The following TDRD9 variants were observed in gnomAD, a reference collection of about 807,000 sequenced individuals.
The protein encoded by TDRD9 is tudor domain containing 9.
A neutral mutation model predicts 172.6 loss-of-function variants in TDRD9; 124 were observed. That is an observed-to-expected ratio of 0.72 (90% CI 0.62 to 0.83). The LOEUF (loss-of-function observed/expected upper bound fraction) is 0.83, where lower values mean the gene tolerates loss of function less well. TDRD9 is among the 40% of genes least tolerant of loss of function. The pLI is 0.00. For missense variants in TDRD9, 1,479 were observed against 1,714.1 expected (o/e 0.86, Z 2.42); for synonymous variants, 619 against 617.1 (o/e 1.00, Z -0.05).
intron 6 of TDRD9, among the ~76,000 whole-genome samples, chr14:103,974,760 C>T (rs2033167759): frequency 6.6e-6 from 1 of 152,064 alleles, no homozygotes; most frequent in South Asian, 2.1e-4. Flanking sequence ...CCCACCTCAG[C>T]CTCTTGAGTA....
At chr14:103,979,971 GC>G (rs2033407996) in intron 7 of TDRD9, among the ~76,000 whole-genome samples, 1 of 151,478 alleles carries the variant, frequency 6.6e-6, no homozygotes. Context: ...GAACTCCTTG[GC>G]TCAAGAGATT....
chr14:103,947,408 A>G (rs1325172503), intron 1 of TDRD9, among the ~76,000 whole-genome samples: 1 of 151,786 alleles, frequency 6.6e-6, no homozygotes, highest in Non-Finnish European at 1.5e-5. Context: ...ACTCACTGCA[A>G]GCTCTGTCCC....
intron 1 of TDRD9, chr14:103,941,470 C>A: frequency 6.5e-7 from 1 of 1,535,374 alleles, no homozygotes; most frequent in Non-Finnish European, 8.7e-7. Flanking sequence ...TGTTCAGTCA[C>A]TGGGATAGTT....
At chr14:103,968,883 C>G (rs1426202858) in intron 5 of TDRD9, among the ~76,000 whole-genome samples, 1 of 148,446 alleles carries the variant, frequency 6.7e-6, no homozygotes, top group Non-Finnish European at 1.5e-5. Flanking sequence ...GGCGGATCAC[C>G]AGGTCAGGAG....
At chr14:104,012,294 G>A (rs2152226921) in intron 20 of TDRD9, among the ~76,000 whole-genome samples, 2 of 152,368 alleles carry the variant, frequency 1.3e-5, no homozygotes, top group African/African-American at 4.8e-5. Flanking sequence ...TGGAGGCTTG[G>A]CAATGACCTT....
At chr14:103,991,906 C>T (rs991812675) in intron 9 of TDRD9, among the ~76,000 whole-genome samples, 10 of 152,098 alleles carry the variant, frequency 6.6e-5, no homozygotes, top group Admixed American at 2.6e-4. Flanking sequence ...TACAGACACG[C>T]GCCACCATGC....
At chr14:104,036,077 A>G (rs2035443545) in intron 32 of TDRD9, among the ~76,000 whole-genome samples, 1 of 152,146 alleles carries the variant, frequency 6.6e-6, no homozygotes, top group Non-Finnish European at 1.5e-5. Context: ...TTTTAAATTT[A>G]TAGATTTAAA....
rs191934114 is a variant in TDRD9, at chr14:103,971,114, G to T, written c.846+493G>T. 5.3e-5 allele frequency among the ~76,000 whole-genome samples: 8 copies of T among 151,840 alleles called. No homozygotes were observed. The East Asian group carries it at 9.7e-4, about 18-fold the overall frequency. On this transcript the variant is annotated intron_variant, in intron 6 of 35. Coordinates refer to ENST00000409874, the MANE Select transcript of TDRD9 (RefSeq NM_153046.3). Reference sequence around the variant, plus strand: ...TTCTCCTGCCTCAGCCTCCCAAGTAGCTGGGACTACAGGCACCCACCACCA... The same window carrying T: ...TTCTCCTGCCTCAGCCTCCCAAGTATCTGGGACTACAGGCACCCACCACCA...
In TDRD9 at chr14:104,034,842, C is replaced by T. The variant is rs2035400579; in HGVS notation, c.3620-118C>T. On this transcript the variant is annotated intron_variant, in intron 31 of 35. Coordinates refer to ENST00000409874, the MANE Select transcript of TDRD9 (RefSeq NM_153046.3). Reference sequence around the variant, plus strand: ...TACTATTGGGGTGGGCCTGTGGGGACTGGACAGACTCAGCAGAGGAGGGGA... The same window carrying T: ...TACTATTGGGGTGGGCCTGTGGGGATTGGACAGACTCAGCAGAGGAGGGGA... 1.0e-5 allele frequency: 7 copies of T among 698,736 alleles called. No homozygotes were observed. In the South Asian group the frequency reaches 1.0e-4, roughly 10 times the overall value. The allele number at this position is 698,736 out of a possible 1,614,324, so 43.3% of individuals were successfully genotyped here.
chr14:103,934,993 G>A (rs980755563), intron 1 of TDRD9, among the ~76,000 whole-genome samples: 5 of 152,182 alleles, frequency 3.3e-5, no homozygotes, highest in Non-Finnish European at 7.3e-5. Flanking sequence ...TGAGGTAGGA[G>A]GGCCTCGTCC....
At chr14:103,942,105 G>A (rs2031272967) in intron 1 of TDRD9, 2 of 173,514 alleles carry the variant, frequency 1.2e-5, no homozygotes, top group African/African-American at 2.4e-5. Context: ...TTAAGTTGAT[G>A]GGCTGATGTG....
chr14:103,996,222 A>G (rs544503920), intron 12 of TDRD9, among the ~76,000 whole-genome samples: 1 of 152,290 alleles, frequency 6.6e-6, no homozygotes, highest in East Asian at 1.9e-4. Context: ...ATGTGTCTGT[A>G]ATTACTTTGT....
rs1184047726 is a variant in TDRD9 at position 104,008,450 on chromosome 14, T to C, written c.2090T>C (p.Ile697Thr). 3 of 1,566,664 alleles carry C rather than the reference T, an allele frequency of 1.9e-6. No homozygotes were observed. The highest frequency in any genetic ancestry group is 1.8e-6 in the Non-Finnish European group (2 of 1,138,474). Residue 697 changes from isoleucine (I) to threonine (T), a missense_variant, in exon 20 of 36, where the codon ATC (isoleucine) becomes ACC (threonine). Ile to Thr is a moderately conservative substitution (Grantham distance 89). Coordinates refer to ENST00000409874, the MANE Select transcript of TDRD9 (RefSeq NM_153046.3). ...TGGGGACGGTTAAATTACATTCAAA[T>C]CAAGAGAATTAGAGAGGTAAGTTAA... ...LNWGRLNYIQ[I>T]KRIREVAELY...
rs143678539 is a variant in TDRD9 at position 103,995,045 on chromosome 14, G to A, written c.1320+442G>A. 5.4e-3 allele frequency among the ~76,000 whole-genome samples: 820 copies of A among 152,186 alleles called. 9 individuals are homozygous for A. Among genetic ancestry groups the A allele is most frequent in the Non-Finnish European group, 7.0e-3 (476 of 67,998 alleles). ...AACAAATATTTACCTAATGAGCCAG[G>A]TATGTTGTTTAGTTTTGTGTTTTAT... On this transcript the variant is annotated intron_variant, in intron 11 of 35. Coordinates refer to ENST00000409874, the MANE Select transcript of TDRD9 (RefSeq NM_153046.3).
At chr14:103,998,791 C>CTTTTTT in intron 13 of TDRD9, 63 bp downstream of exon 13, 1 of 631,554 alleles carries the variant, frequency 1.6e-6, no homozygotes, top group Non-Finnish European at 2.7e-6. Flanking sequence ...CATTCAGGTG[C>CTTTTTT]TTTTTTTTTT....
Position 104,041,984 on chromosome 14 carries a change from ACT to A in TDRD9, c.3856-82_3856-81del. On this transcript the variant is annotated intron_variant, in intron 33 of 35. Coordinates refer to ENST00000409874, the MANE Select transcript of TDRD9 (RefSeq NM_153046.3). ...ACCATACTGATGACAGAGAATACTA[ACT>A]CTGAATGCTATGAATTCTCTAACGG... The A allele has an allele frequency of 5.4e-6, 5 of 930,258 alleles. No homozygotes were observed. The South Asian group carries it at 7.6e-5, about 14-fold the overall frequency. The allele number at this position is 930,258 out of a possible 1,614,324, so 57.6% of individuals were successfully genotyped here.
chr14:103,944,614 G>A (rs1226888089), intron 1 of TDRD9, among the ~76,000 whole-genome samples: 2 of 132,166 alleles, frequency 1.5e-5, no homozygotes, highest in Admixed American at 9.4e-5. Context: ...CGCCCAGGCT[G>A]GAGTGCAGTG....
intron 1 of TDRD9, among the ~76,000 whole-genome samples, chr14:103,948,375 C>T (rs1377484400): frequency 1.3e-5 from 2 of 151,950 alleles, no homozygotes; most frequent in Admixed American, 6.6e-5. Flanking sequence ...GAAATTGGAA[C>T]CCCTGTGTAC....
At position 104,014,788 on chromosome 14, in the gene TDRD9, C is replaced by T. The variant is rs370425406; in HGVS notation, c.2170C>T (p.Arg724Trp). 6.8e-6 allele frequency: 11 copies of T among 1,612,248 alleles called. No individual in the cohort carries two copies. The highest frequency in any genetic ancestry group is 3.3e-5 in the South Asian group (3 of 90,982). Residue 724 changes from arginine (R) to tryptophan (W), a missense_variant, in exon 21 of 36, where the codon CGG becomes TGG. Physicochemically the swap from Arg to Trp is moderately radical, Grantham distance 101 (BLOSUM62 -3). Around this residue, in one of 3 missense-constraint regions of TDRD9, gnomAD observed 1,413 missense variants for 1,649.1 expected, o/e 0.86. Coordinates refer to ENST00000409874, the MANE Select transcript of TDRD9 (RefSeq NM_153046.3). ...ACAGTTCAACATGCATGTTGATTCT[C>T]GGCGACCTGTCATGGACCAAGAGTA... ...ISQFNMHVDS[R>W]RPVMDQEYIY...
Sources: gnomAD v4.1 joint callset for allele counts (sites outside exome capture counted in the v4.1 genomes callset) on GRCh38, gnomAD v4.1.1 for gene constraint, gnomAD v4.1.1 regional missense constraint, MANE v1.5 for transcripts, NCBI Gene and HGNC (gene_info 2026-07-23, HGNC 2026-07-21) for gene names.